Variants in SP8 observed in about 807,000 individuals in gnomAD.
SP8 encodes Sp8 transcription factor, also known as transcription factor Sp8.
In SP8, 7 loss-of-function variants were observed where a neutral mutation model predicts 15.3. The observed-to-expected ratio is 0.46, with a 90% CI of 0.26 to 0.86. SP8 has a LOEUF of 0.86. SP8 is among the 40% of genes least tolerant of loss of function. The probability of loss-of-function intolerance (pLI) is 0.16; values close to 1 mark genes in which losing one functional copy is unlikely to be tolerated. For missense variants in SP8, 731 were observed against 736.4 expected (o/e 0.99, Z 0.09); for synonymous variants, 415 against 356.3 (o/e 1.16, Z -1.86).
rs1360603973 is a variant in SP8, at chr7:20,784,354, G to A, written c.1463C>T (p.Pro488Leu). 2 of 1,519,848 alleles carry A rather than the reference G, an allele frequency of 1.3e-6. No homozygotes were observed. Among genetic ancestry groups the A allele is most frequent in the Non-Finnish European group, 1.8e-6 (2 of 1,140,976 alleles). The allele number at this position is 1,519,848 out of a possible 1,614,324, so 94.1% of individuals were successfully genotyped here. A position where few individuals can be genotyped will look rare whatever the true frequency, so the allele number is the denominator to read the frequency against. ...CAGCAGCTCTGGGGAGTGGCAGGGC[G>A]GGCTGCCCGCGGCGCTGTGCTCGCT... ...TDSEHSAAGSPPCHSPELLQP... is the reference protein window; with the variant it reads ...TDSEHSAAGSLPCHSPELLQP... Residue 488 changes from proline to leucine, a missense_variant, in exon 2 of 2, where the codon CCG becomes CTG. By Grantham distance (98) the Pro-to-Leu change is moderately conservative. Transcript: ENST00000418710.
At position 20,783,411 on chromosome 7, in the gene SP8, G is replaced by A. The variant is rs1376200923; in HGVS notation, c.*879C>T. ...AGTAACTTTGGGATCAATATTAGCA[G>A]TTTCGAGAGAAAGATTGCTCCCCGT... On this transcript the variant is annotated 3_prime_UTR_variant, in exon 2 of 2. Transcript: ENST00000418710. The A allele has an allele frequency of 1.9e-4, 1 of 5,322 alleles. No individual in the cohort carries two copies. Among genetic ancestry groups the A allele is most frequent in the Admixed American group, 2.2e-3 (1 of 460 alleles). The allele number at this position is 5,322 out of a possible 1,614,324, so 0.3% of individuals were successfully genotyped here. A position where few individuals can be genotyped will look rare whatever the true frequency, so the allele number is the denominator to read the frequency against.
chr7:20,786,873 G>C lies in SP8; in HGVS notation c.-75C>G. The C allele has an allele frequency of 8.3e-7, 1 of 1,200,630 alleles. No individual in the cohort carries two copies. The highest frequency in any genetic ancestry group is 1.2e-6 in the Non-Finnish European group (1 of 802,170). The allele number at this position is 1,200,630 out of a possible 1,614,324, so 74.4% of individuals were successfully genotyped here. ...ATCAGAGGCAGTGTTTTTTTTAGAG[G>C]TGTGCAATACAATGATCAGTTCCGC... On this transcript the variant is annotated 5_prime_UTR_variant, in exon 1 of 2. Transcript: ENST00000418710. This position sits in a 1 kb window ranked among gnomAD's most constrained non-coding sequence, Gnocchi z 4.4.
chr7:20,785,339 C>G lies in SP8; in HGVS notation c.478G>C (p.Gly160Arg), dbSNP rs1389181991. ...GCGGAGGAGCCGCCGCCGCCGCCCC[C>G]GCCGCCGCCGCCGCTGCCCCCGGAA... ...GVSGGSGGGGGGGGGGSSAHS... is the reference protein window; with the variant it reads ...GVSGGSGGGGRGGGGGSSAHS... The change falls in exon 2 of 2, where the codon GGG becomes CGG. Residue 160 changes from glycine to arginine, a missense_variant. Coordinates refer to ENST00000418710, the MANE Select transcript of SP8 (RefSeq NM_182700.6). The surrounding 1 kb of genome is among the most constrained non-coding windows in gnomAD (Gnocchi z 7.2). The G allele has an allele frequency of 1.1e-5, 14 of 1,244,048 alleles. No homozygotes were observed. The highest frequency in any genetic ancestry group is 1.5e-5 in the South Asian group (1 of 68,276). The allele number at this position is 1,244,048 out of a possible 1,614,324, so 77.1% of individuals were successfully genotyped here. A position where few individuals can be genotyped will look rare whatever the true frequency, so the allele number is the denominator to read the frequency against.
In SP8 at chr7:20,786,656, A is replaced by G; in HGVS notation, c.21+122T>C. 2.4e-6 allele frequency: 2 copies of G among 818,698 alleles called. No individual in the cohort carries two copies. Among genetic ancestry groups the G allele is most frequent in the Non-Finnish European group, 4.1e-6 (2 of 484,096 alleles). The allele number at this position is 818,698 out of a possible 1,614,324, so 50.7% of individuals were successfully genotyped here. A position where few individuals can be genotyped will look rare whatever the true frequency, so the allele number is the denominator to read the frequency against. ...CAAACTCACTTGTATTTAAAGAAAA[A>G]AAAAAAAAGCTCTCAATAGAGAGAC... On this transcript the variant is annotated intron_variant, in intron 1 of 1. Transcript: ENST00000418710. The surrounding 1 kb of genome is among the most constrained non-coding windows in gnomAD (Gnocchi z 4.4).
In SP8 at chr7:20,786,492, C is replaced by T. The variant is rs1783681427; in HGVS notation, c.21+286G>A. On this transcript the variant is annotated intron_variant, in intron 1 of 1. Transcript: ENST00000418710. This position sits in a 1 kb window ranked among gnomAD's most constrained non-coding sequence, Gnocchi z 4.4. ...CTCTCTTTACCCCCGAAATCGGTGC[C>T]TGTAAAATGGGCTGGACGCAGGTCT... 6.6e-6 allele frequency among the ~76,000 whole-genome samples: 1 copy of T among 152,110 alleles called. No homozygotes were observed. The highest frequency in any genetic ancestry group is 2.1e-4 in the South Asian group (1 of 4,820).
Position 20,785,358 on chromosome 7 carries a change from C to CCG in SP8, c.458_459insCG (p.Ser155AlafsTer123). 1 of 1,393,740 alleles carries CCG rather than the reference C, an allele frequency of 7.2e-7. No individual in the cohort carries two copies. Among genetic ancestry groups the CCG allele is most frequent in the Admixed American group, 2.6e-5 (1 of 38,028 alleles). 86.3% of individuals were successfully genotyped at this position (1,393,740 alleles called of 1,614,324 possible). On this transcript the variant is annotated frameshift_variant, in exon 2 of 2. Transcript: ENST00000418710. LOFTEE classifies it low-confidence loss of function (END_TRUNC). The surrounding 1 kb of genome is among the most constrained non-coding windows in gnomAD (Gnocchi z 7.2). The stretch of plus-strand genomic sequence containing the variant: ...CGCCCCCGCCGCCGCCGCCGCTGCC[C>CCG]CCGGAAACTCCGGGGGCCTGGAAAA...
Position 20,784,506 on chromosome 7 carries a change from T to G in SP8, c.1311A>C (p.Pro437=), listed in dbSNP as rs1188636560. ...THTGEKRFAC[P]VCNKRFMRSD... is the part of the protein sequence containing the mutation. ...TGCGCATGAAGCGCTTGTTGCAAAC[T>G]GGACAGGCGAAGCGCTTCTCGCCGG... The change falls in exon 2 of 2, where the codon CCA becomes CCC. Residue 437 remains proline (P), a synonymous_variant. Transcript: ENST00000418710. 3 of 1,562,838 alleles carry G rather than the reference T, an allele frequency of 1.9e-6. No homozygotes were observed. In the East Asian group the frequency reaches 7.2e-5, roughly 37 times the overall value.
In SP8 at chr7:20,785,490, G is replaced by A. The variant is rs571464889; in HGVS notation, c.327C>T (p.Gly109=). 3.9e-4 allele frequency: 549 copies of A among 1,422,708 alleles called. 14 individuals carry two copies. The South Asian group carries it at 7.9e-3, about 20-fold the overall frequency. The allele number at this position is 1,422,708 out of a possible 1,614,324, so 88.1% of individuals were successfully genotyped here. ...ALVSDSFSCG[G]SPGSSAFSLT... is the part of the protein sequence containing the mutation. ...GGGAGAAGGCGCTGGAGCCAGGCGA[G>A]CCGCCGCAGCTGAACGAGTCGGACA... Residue 109 remains glycine, a synonymous_variant, in exon 2 of 2, where the codon GGC becomes GGT. Transcript: ENST00000418710. The surrounding 1 kb of genome is among the most constrained non-coding windows in gnomAD (Gnocchi z 7.2).
In SP8 at chr7:20,786,864, T is replaced by C; in HGVS notation, c.-66A>G. ...TATTGATAAATCAGAGGCAGTGTTT[T>C]TTTTAGAGGTGTGCAATACAATGAT... On this transcript the variant is annotated 5_prime_UTR_variant, in exon 1 of 2. Transcript: ENST00000418710. This position sits in a 1 kb window ranked among gnomAD's most constrained non-coding sequence, Gnocchi z 4.4. The C allele has an allele frequency of 7.6e-7, 1 of 1,311,610 alleles. No homozygotes were observed. The highest frequency in any genetic ancestry group is 1.2e-5 in the South Asian group (1 of 84,914). 81.2% of individuals were successfully genotyped at this position (1,311,610 alleles called of 1,614,324 possible).
chr7:20,783,889 G>A lies in SP8; in HGVS notation c.*401C>T. ...CGCTCCTGCCCGCGCGAGGCCCGCT[G>A]TCTACCAGGCACTGGATTAGTCCAG... On this transcript the variant is annotated 3_prime_UTR_variant, in exon 2 of 2. Transcript: ENST00000418710. 5.6e-6 allele frequency: 1 copy of A among 179,004 alleles called. No homozygotes were observed. The highest frequency in any genetic ancestry group is 1.1e-5 in the Non-Finnish European group (1 of 87,282). The allele number at this position is 179,004 out of a possible 1,614,324, so 11.1% of individuals were successfully genotyped here.
chr7:20,785,861 G>A lies in SP8; in HGVS notation c.22-66C>T, dbSNP rs976708223. ...GGCAAAGGGCCGGTGGGGGAGGAAA[G>A]GAAGAAATGTGCATCAGTCCTTCGG... is the stretch of plus-strand genomic sequence containing the variant. On this transcript the variant is annotated intron_variant, in intron 1 of 1. Coordinates refer to ENST00000418710, the MANE Select transcript of SP8 (RefSeq NM_182700.6). This position sits in a 1 kb window ranked among gnomAD's most constrained non-coding sequence, Gnocchi z 7.2. The A allele has an allele frequency of 3.3e-6, 5 of 1,522,458 alleles. No homozygotes were observed. In the African/African-American group the frequency reaches 6.9e-5, roughly 21 times the overall value. The allele number at this position is 1,522,458 out of a possible 1,614,324, so 94.3% of individuals were successfully genotyped here. A position where few individuals can be genotyped will look rare whatever the true frequency, so the allele number is the denominator to read the frequency against.
Position 20,785,505 on chromosome 7 carries a change from C to T in SP8, c.312G>A (p.Ser104=), listed in dbSNP as rs1166897554. The T allele has an allele frequency of 2.8e-6, 4 of 1,447,678 alleles. No homozygotes were observed. Among genetic ancestry groups the T allele is most frequent in the Non-Finnish European group, 2.7e-6 (3 of 1,110,588 alleles). 89.7% of individuals were successfully genotyped at this position (1,447,678 alleles called of 1,614,324 possible). Reference sequence around the variant, plus strand: ...AGCCAGGCGAGCCGCCGCAGCTGAACGAGTCGGACACCAGGGCCGCGGCAG... The same window carrying T: ...AGCCAGGCGAGCCGCCGCAGCTGAATGAGTCGGACACCAGGGCCGCGGCAG... ...AAAAAALVSD[S]FSCGGSPGSS... The change falls in exon 2 of 2, where the codon TCG becomes TCA. Residue 104 remains serine, a synonymous_variant. Coordinates refer to ENST00000418710, the MANE Select transcript of SP8 (RefSeq NM_182700.6). This position sits in a 1 kb window ranked among gnomAD's most constrained non-coding sequence, Gnocchi z 7.2.
rs1442452572 is a variant in SP8 at position 20,784,951 on chromosome 7, A to G, written c.866T>C (p.Leu289Pro). Residue 289 changes from leucine to proline, a missense_variant, in exon 2 of 2, where the codon CTG becomes CCG. Transcript: ENST00000418710. Reference sequence around the variant, plus strand: ...GAGGTGCTGCCCGGCGGGGCTGAGCAGGTGCGAGGAGGCGCCGCTGCTGAA... The same window carrying G: ...GAGGTGCTGCCCGGCGGGGCTGAGCGGGTGCGAGGAGGCGCCGCTGCTGAA... ...SAFSSGASSH[L>P]LSPAGQHLMD... 5 of 1,559,206 alleles carry G rather than the reference A, an allele frequency of 3.2e-6. No homozygotes were observed. The highest frequency in any genetic ancestry group is 4.3e-6 in the Non-Finnish European group (5 of 1,159,550).
At position 20,784,114 on chromosome 7, in the gene SP8, A is replaced by G. The variant is rs1583483905; in HGVS notation, c.*176T>C. On this transcript the variant is annotated 3_prime_UTR_variant, in exon 2 of 2. Transcript: ENST00000418710. Reference sequence around the variant, plus strand: ...AGCGATGCGTGTTACTTACTTGTCCATATCCCCTTTACAAAGTTAAGTCAC... The same window carrying G: ...AGCGATGCGTGTTACTTACTTGTCCGTATCCCCTTTACAAAGTTAAGTCAC... 5.2e-6 allele frequency: 3 copies of G among 582,022 alleles called. No homozygotes were observed. Among genetic ancestry groups the G allele is most frequent in the Admixed American group, 4.2e-5 (1 of 24,050 alleles). 36.1% of individuals were successfully genotyped at this position (582,022 alleles called of 1,614,324 possible).
Position 20,785,684 on chromosome 7 carries a change from C to G in SP8, c.133G>C (p.Gly45Arg), listed in dbSNP as rs779064913. ...CGTTTCCAGGGGTGGAAGCCTTTGC[C>G]GAAGGAAGAAGAGCTGTCCGAGAGG... ...SSLSDSSSSF[G>R]KGFHPWKRSS... The change falls in exon 2 of 2, where the codon GGC becomes CGC. Residue 45 changes from glycine (G) to arginine (R), a missense_variant. Around this residue, in one of 3 missense-constraint regions of SP8, gnomAD observed 586 missense variants for 524.9 expected, o/e 1.12. Transcript: ENST00000418710. The surrounding 1 kb of genome is among the most constrained non-coding windows in gnomAD (Gnocchi z 7.2). 1 of 1,613,744 alleles carries G rather than the reference C, an allele frequency of 6.2e-7. No homozygotes were observed. Among genetic ancestry groups the G allele is most frequent in the Non-Finnish European group, 8.5e-7 (1 of 1,179,980 alleles).
rs1783610677 is a variant in SP8, at chr7:20,784,833, C to T, written c.984G>A (p.Gly328=). 2 of 1,525,158 alleles carry T rather than the reference C, an allele frequency of 1.3e-6. No individual in the cohort carries two copies. The highest frequency in any genetic ancestry group is 1.7e-6 in the Non-Finnish European group (2 of 1,142,922). 94.5% of individuals were successfully genotyped at this position (1,525,158 alleles called of 1,614,324 possible). The change falls in exon 2 of 2, where the codon GGG becomes GGA. Residue 328 remains glycine (G), a synonymous_variant. Coordinates refer to ENST00000418710, the MANE Select transcript of SP8 (RefSeq NM_182700.6). ...GGGAGCCCCCCAGCGGCGCCGAAGG[C>T]CCAGCGCTCAACATGGAGCCCCCCG... The part of the protein sequence containing the change: ...AGAGGSMLSA[G]PSAPLGGSPR...
rs1301494729 is a variant in SP8 at position 20,785,820 on chromosome 7, T to C, written c.22-25A>G. The C allele has an allele frequency of 7.2e-6, 6 of 835,388 alleles. No individual in the cohort carries two copies. In the African/African-American group the frequency reaches 1.2e-4, roughly 17 times the overall value. 51.7% of individuals were successfully genotyped at this position (835,388 alleles called of 1,614,324 possible). On this transcript the variant is annotated intron_variant, in intron 1 of 1. Transcript: ENST00000418710. The surrounding 1 kb of genome is among the most constrained non-coding windows in gnomAD (Gnocchi z 7.2). ...CCTGCGAGGAGGAGAGGAGAAGGAG[T>C]GGGGGAGGGGAGGTGGGCAAAGGGC... is the stretch of plus-strand genomic sequence containing the variant.
rs1783618405 is a variant in SP8, at chr7:20,785,017, C to G, written c.800G>C (p.Gly267Ala). ...GCCCGAGTAATCCGAGTTGTAGCCTCCGAGCGGCGAGTGCAGCGAGGTTTG... is the reference window on the plus strand; with the variant it reads ...GCCCGAGTAATCCGAGTTGTAGCCTGCGAGCGGCGAGTGCAGCGAGGTTTG... Reference protein sequence around the residue: ...GLQTSLHSPLGGYNSDYSGLS... With the variant: ...GLQTSLHSPLAGYNSDYSGLS... The change falls in exon 2 of 2, where the codon GGA becomes GCA. Residue 267 changes from glycine (G) to alanine (A), a missense_variant. This residue lies in a region of SP8 where 586 missense variants were observed against 524.9 expected (regional missense o/e 1.12). Coordinates refer to ENST00000418710, the MANE Select transcript of SP8 (RefSeq NM_182700.6). This position sits in a 1 kb window ranked among gnomAD's most constrained non-coding sequence, Gnocchi z 7.2. The G allele has an allele frequency of 6.3e-7, 1 of 1,575,232 alleles. No individual in the cohort carries two copies. Among genetic ancestry groups the G allele is most frequent in the Non-Finnish European group, 8.6e-7 (1 of 1,165,936 alleles).
At position 20,785,635 on chromosome 7, in the gene SP8, C is replaced by T. The variant is rs1400376542; in HGVS notation, c.182G>A (p.Ser61Asn). Residue 61 changes from serine (S) to asparagine (N), a missense_variant, in exon 2 of 2, where the codon AGC becomes AAC. Transcript: ENST00000418710. This position sits in a 1 kb window ranked among gnomAD's most constrained non-coding sequence, Gnocchi z 7.2. ...GAGACTGGAACCCACTACGTTGCAGCTGGCGGAAGAAGAGGACGAGGAGCG... is the reference window on the plus strand; with the variant it reads ...GAGACTGGAACCCACTACGTTGCAGTTGGCGGAAGAAGAGGACGAGGAGCG... Reference protein sequence around the residue: ...WKRSSSSSSASCNVVGSSLSS... With the variant: ...WKRSSSSSSANCNVVGSSLSS... 1 of 1,613,236 alleles carries T rather than the reference C, an allele frequency of 6.2e-7. No homozygotes were observed. The highest frequency in any genetic ancestry group is 8.5e-7 in the Non-Finnish European group (1 of 1,179,628).
Sources: gnomAD v4.1 joint callset for allele counts (sites outside exome capture counted in the v4.1 genomes callset) on GRCh38, gnomAD v4.1.1 for gene constraint, gnomAD v4.1.1 regional missense constraint, Gnocchi (gnomAD v3.1) non-coding constraint, MANE v1.5 for transcripts, NCBI Gene and HGNC (gene_info 2026-07-23, HGNC 2026-07-21) for gene names.